HOXC6: variants seen among roughly 807,000 people sequenced by gnomAD.
HOXC6 encodes homeobox C6, also known as homeobox protein Hox-C6.
HOXC6 carries 10 observed loss-of-function variants against 24.0 expected under a neutral mutation model. The observed-to-expected ratio is 0.42, with a 90% CI of 0.26 to 0.71. The LOEUF is 0.71. Among genes scored for constraint, HOXC6 ranks in the 30% least tolerant of loss-of-function variants. HOXC6 has a pLI of 0.28. For synonymous variants in HOXC6, 123 were observed against 128.1 expected (o/e 0.96, Z 0.27); for missense variants, 258 against 303.4 (o/e 0.85, Z 1.11).
In HOXC6 at chr12:54,029,944, G is replaced by C; in HGVS notation, c.690G>C (p.Glu230Asp). 6.3e-7 allele frequency: 1 copy of C among 1,585,688 alleles called. No homozygotes were observed. Among genetic ancestry groups the C allele is most frequent in the African/African-American group, 1.4e-5 (1 of 73,654 alleles). The change falls in exon 2 of 2, where the codon GAG becomes GAC. Residue 230 changes from glutamate (E) to aspartate (D), a missense_variant. Coordinates refer to ENST00000243108, the MANE Select transcript of HOXC6 (RefSeq NM_004503.4). ...GKEEKREETE[E>D]EKQKE The stretch of plus-strand genomic sequence containing the variant: ...AGGAAAAGCGGGAAGAGACAGAAGA[G>C]GAGAAGCAGAAAGAGTGACCAGGAC...
chr12:54,028,812 G>A lies in HOXC6; in HGVS notation c.291G>A (p.Gln97=). The part of the protein sequence containing the change: ...CRQNTLGHNT[Q]TSIAQDFSSE... ...AAAACACCTTAGGACATAACACACA[G>A]ACCTCAATCGCTCAGGATTTTAGTT... The change falls in exon 1 of 2, where the codon CAG becomes CAA. Residue 97 remains glutamine, a synonymous_variant. Transcript: ENST00000243108. The A allele has an allele frequency of 6.2e-7, 1 of 1,614,136 alleles. No homozygotes were observed. Among genetic ancestry groups the A allele is most frequent in the Non-Finnish European group, 8.5e-7 (1 of 1,180,030 alleles).
At chr12:54,018,623 G>A (rs1331983603) in intron 1 of HOXC6, among the ~76,000 whole-genome samples, 1 of 152,220 alleles carries the variant, frequency 6.6e-6, no homozygotes, top group Non-Finnish European at 1.5e-5. Context: ...TGAATGTGTT[G>A]CAGTTTGATA....
Position 54,030,006 on chromosome 12 carries a change from C to G in HOXC6, c.*44C>G. ...CCCCTCTCTCCCTTTCTCCCTCGCT[C>G]CCCACCAACTCTCCCCTAATCACAC... On this transcript the variant is annotated 3_prime_UTR_variant, in exon 2 of 2. Coordinates refer to ENST00000243108, the MANE Select transcript of HOXC6 (RefSeq NM_004503.4). The G allele has an allele frequency of 6.9e-7, 1 of 1,443,894 alleles. No homozygotes were observed. Among genetic ancestry groups the G allele is most frequent in the Non-Finnish European group, 9.2e-7 (1 of 1,082,366 alleles). The allele number at this position is 1,443,894 out of a possible 1,614,324, so 89.4% of individuals were successfully genotyped here. A position where few individuals can be genotyped will look rare whatever the true frequency, so the allele number is the denominator to read the frequency against.
chr12:54,029,803 A>T lies in HOXC6; in HGVS notation c.549A>T (p.Arg183=), dbSNP rs1358389786. Reference sequence around the variant, plus strand: ...CCAACGCGCTTTGCCTGACCGAGCGACAGATCAAAATCTGGTTCCAGAACC... The same window carrying T: ...CCAACGCGCTTTGCCTGACCGAGCGTCAGATCAAAATCTGGTTCCAGAACC... ...EIANALCLTE[R]QIKIWFQNRR... Residue 183 remains arginine, a synonymous_variant, in exon 2 of 2, where the codon CGA becomes CGT. Transcript: ENST00000243108. 6.2e-7 allele frequency: 1 copy of T among 1,614,046 alleles called. No homozygotes were observed. Among genetic ancestry groups the T allele is most frequent in the Non-Finnish European group, 8.5e-7 (1 of 1,180,022 alleles).
Position 54,028,754 on chromosome 12 carries a change from A to G in HOXC6, c.233A>G (p.Tyr78Cys), listed in dbSNP as rs1940847653. Reference protein sequence around the residue: ...GPYDYGSNSFYQEKDMLSNCR... With the variant: ...GPYDYGSNSFCQEKDMLSNCR... The stretch of plus-strand genomic sequence containing the variant: ...TATGACTATGGATCTAATTCCTTTT[A>G]CCAGGAGAAAGACATGCTCTCAAAC... The change falls in exon 1 of 2, where the codon TAC (tyrosine) becomes TGC (cysteine). Residue 78 changes from tyrosine to cysteine, a missense_variant. Physicochemically the swap from Tyr to Cys is radical, Grantham distance 194. Coordinates refer to ENST00000243108, the MANE Select transcript of HOXC6 (RefSeq NM_004503.4). 1.2e-6 allele frequency: 2 copies of G among 1,614,112 alleles called. No individual in the cohort carries two copies. The highest frequency in any genetic ancestry group is 2.2e-5 in the South Asian group (2 of 91,072).
At position 54,023,080 on chromosome 12, in the gene HOXC6, C is replaced by G. The variant is rs140525985; in HGVS notation, c.-192-5496C>G. 8.8e-3 allele frequency among the ~76,000 whole-genome samples: 1,341 copies of G among 152,304 alleles called. 26 individuals carry two copies. Among genetic ancestry groups the G allele is most frequent in the African/African-American group, 0.03 (1,254 of 41,562 alleles). On this transcript the variant is annotated intron_variant, in intron 1 of 2. Coordinates refer to the HOXC6 transcript ENST00000394331. ...TCAAGTGTCCCTAGGCATCTAAGCT[C>G]TCTCCCCATTCCCAGATCACAGAGA... is the stretch of plus-strand genomic sequence containing the variant.
At chr12:54,017,051 T>C (rs1175719749) in exon 1 of HOXC6, 1 of 132,368 alleles carries the variant, frequency 7.6e-6, no homozygotes, top group Middle Eastern at 3.4e-3. Flanking sequence ...TGGGGGCAGC[T>C]GGGGAGGGTG....
At chr12:54,019,204 T>A (rs1028721188) in intron 1 of HOXC6, among the ~76,000 whole-genome samples, 1 of 115,074 alleles carries the variant, frequency 8.7e-6, no homozygotes, top group Non-Finnish European at 1.7e-5. Context: ...AGGACTTGTG[T>A]GTCGGCAGAG....
At chr12:54,027,648 T>C (rs1050813708), upstream of HOXC6, among the ~76,000 whole-genome samples, 1 of 151,820 alleles carries the variant, frequency 6.6e-6, no homozygotes, top group Non-Finnish European at 1.5e-5. Context: ...GCATTTTTTA[T>C]ACATTTTCCC....
rs1296757845 is a variant in HOXC6, at chr12:54,029,411, G to GCCC, written c.401-235_401-233dup. The stretch of plus-strand genomic sequence containing the variant: ...TGTTTGCCTTTTGCCCCGCCCCCCC[G>GCCC]CCCCCCCCCCCACCACACACCTTTC... On this transcript the variant is annotated intron_variant, in intron 1 of 1. Transcript: ENST00000243108. 3.8e-3 allele frequency among the ~76,000 whole-genome samples: 295 copies of GCCC among 76,866 alleles called. 2 individuals carry two copies. The highest frequency in any genetic ancestry group is 0.013 in the East Asian group (33 of 2,608). The allele number at this position is 76,866 out of a possible 152,430, so 50.4% of individuals were successfully genotyped here. A position where few individuals can be genotyped will look rare whatever the true frequency, so the allele number is the denominator to read the frequency against.
rs1229378768 is a variant in HOXC6 at position 54,028,881 on chromosome 12, C to G, written c.360C>G (p.Ile120Met). Residue 120 changes from isoleucine (I) to methionine (M), a missense_variant, in exon 1 of 2, where the codon ATC becomes ATG. Physicochemically the swap from Ile to Met is conservative, Grantham distance 10. Transcript: ENST00000243108. ...CGCCCCAGGACCAGAAAGCCAGTAT[C>G]CAGATTTACCCCTGGATGCAGCGAA... ...RTAPQDQKAS[I>M]QIYPWMQRMN... is the part of the protein sequence containing the mutation. 7 of 1,613,226 alleles carry G rather than the reference C, an allele frequency of 4.3e-6. No homozygotes were observed. In the East Asian group the frequency reaches 1.6e-4, roughly 36 times the overall value.
At chr12:54,019,696 C>T (rs867006299) in intron 1 of HOXC6, among the ~76,000 whole-genome samples, 101 of 152,160 alleles carry the variant, frequency 6.6e-4, no homozygotes, top group Admixed American at 2.2e-3. Context: ...CGGGCCTGGG[C>T]GAGGCTGAGG....
intron 1 of HOXC6, among the ~76,000 whole-genome samples, chr12:54,019,539 C>A (rs1035253615): frequency 2.6e-5 from 4 of 152,124 alleles, no homozygotes; most frequent in Non-Finnish European, 4.4e-5. Context: ...GCATTTTGTC[C>A]GCCCCCGCCC....
At position 54,028,707 on chromosome 12, in the gene HOXC6, G is replaced by A. The variant is rs1318210714; in HGVS notation, c.186G>A (p.Val62=). ...TPFYSPQENV[V]FSSSRGPYDY... is the part of the protein sequence containing the mutation. ...TTTATTCGCCACAGGAGAATGTCGTGTTCAGTTCCAGCCGGGGGCCGTATG... is the reference window on the plus strand; with the variant it reads ...TTTATTCGCCACAGGAGAATGTCGTATTCAGTTCCAGCCGGGGGCCGTATG... The change falls in exon 1 of 2, where the codon GTG becomes GTA. Residue 62 remains valine (V), a synonymous_variant. Coordinates refer to ENST00000243108, the MANE Select transcript of HOXC6 (RefSeq NM_004503.4). 4 of 1,614,074 alleles carry A rather than the reference G, an allele frequency of 2.5e-6. No homozygotes were observed. Among genetic ancestry groups the A allele is most frequent in the Non-Finnish European group, 3.4e-6 (4 of 1,180,000 alleles).
upstream of HOXC6, among the ~76,000 whole-genome samples, chr12:54,026,131 G>A (rs1940687096): frequency 6.6e-6 from 1 of 152,088 alleles, no homozygotes; most frequent in Non-Finnish European, 1.5e-5. Context: ...TGGAGGGGGG[G>A]ACAGAGTTAC....
At position 54,029,670 on chromosome 12, in the gene HOXC6, C is replaced by A; in HGVS notation, c.416C>A (p.Ala139Glu). ...GGATCTTTAGGGGTCGGCTACGGAGCGGACCGGAGGCGCGGCCGCCAGATC... is the reference window on the plus strand; with the variant it reads ...GGATCTTTAGGGGTCGGCTACGGAGAGGACCGGAGGCGCGGCCGCCAGATC... ...MNSHSGVGYG[A>E]DRRRGRQIYS... Residue 139 changes from alanine (A) to glutamate (E), a missense_variant, in exon 2 of 2, where the codon GCG (alanine) becomes GAG (glutamate). Ala to Glu is a moderately radical substitution (Grantham distance 107). Transcript: ENST00000243108. The A allele has an allele frequency of 1.2e-6, 2 of 1,613,094 alleles. No homozygotes were observed. Among genetic ancestry groups the A allele is most frequent in the Non-Finnish European group, 1.7e-6 (2 of 1,179,274 alleles).
At chr12:54,024,204 A>G (rs1431908785), upstream of HOXC6, among the ~76,000 whole-genome samples, 2 of 151,872 alleles carry the variant, frequency 1.3e-5, no homozygotes, top group Non-Finnish European at 2.9e-5. Flanking sequence ...CAGCGGGGCA[A>G]CCGTTCTTCT....
upstream of HOXC6, among the ~76,000 whole-genome samples, chr12:54,026,976 G>GGA (rs1555185064): frequency 0.025 from 3,568 of 143,174 alleles, 64 homozygotes; most frequent in East Asian, 0.037. Flanking sequence ...GGGGGGGGGG[G>GGA]ATATGAGCTT....
upstream of HOXC6, among the ~76,000 whole-genome samples, chr12:54,025,441 G>A (rs1940648187): frequency 6.7e-6 from 1 of 149,142 alleles, no homozygotes. Flanking sequence ...CCCTTGGAGC[G>A]AATCCTTTCA....
Sources: allele counts gnomAD v4.1 joint callset (sites outside exome capture counted in the v4.1 genomes callset), GRCh38; gene constraint gnomAD v4.1.1; transcripts MANE v1.5; gene names NCBI Gene and HGNC (gene_info 2026-07-23, HGNC 2026-07-21).